NRXN1: variants seen among roughly 807,000 people sequenced by gnomAD.
The protein encoded by NRXN1 is neurexin-1.
Under a neutral mutation model 150.9 loss-of-function variants are expected in NRXN1, and 39 were observed. The ratio of observed to expected loss-of-function variants is 0.26; its 90% CI spans 0.20 to 0.34. NRXN1 has a LOEUF of 0.34. NRXN1 is among the 10% of genes least tolerant of loss of function. The pLI is 1.00. For synonymous variants in NRXN1, 924 were observed against 757.0 expected (o/e 1.22, Z -3.62); for missense variants, 1,815 against 1,949.9 (o/e 0.93, Z 1.30).
intron 8 of NRXN1, among the ~76,000 whole-genome samples, chr2:50,553,676 A>C (rs903434191): frequency 1.3e-5 from 2 of 152,248 alleles, no homozygotes; most frequent in Non-Finnish European, 2.9e-5. Context: ...CCACATGTAG[A>C]ATATGGTGCT....
intron 2 of NRXN1, among the ~76,000 whole-genome samples, chr2:51,021,309 A>G (rs1669571959): frequency 6.6e-6 from 1 of 151,980 alleles, no homozygotes; most frequent in African/African-American, 2.4e-5. Flanking sequence ...TTTTCAGTAC[A>G]TATTTATAGG....
intron 9 of NRXN1, among the ~76,000 whole-genome samples, chr2:50,551,567 A>T (rs1287971651): frequency 1.3e-5 from 2 of 152,086 alleles, no homozygotes; most frequent in African/African-American, 4.8e-5. Flanking sequence ...TAAAAGAAGC[A>T]CTCAGCTTAG....
At chr2:50,292,281 C>A (rs2073022708) in intron 17 of NRXN1, among the ~76,000 whole-genome samples, 1 of 152,130 alleles carries the variant, frequency 6.6e-6, no homozygotes. Context: ...AGCCACCACA[C>A]CCATTCATTT....
At chr2:50,006,774 C>T (rs1165885380) in intron 21 of NRXN1, among the ~76,000 whole-genome samples, 1 of 152,146 alleles carries the variant, frequency 6.6e-6, no homozygotes, top group Non-Finnish European at 1.5e-5. Context: ...GCATACAAAA[C>T]TGTGCTTGTG....
At chr2:50,796,777 A>T (rs1229649386) in intron 5 of NRXN1, among the ~76,000 whole-genome samples, 1 of 152,176 alleles carries the variant, frequency 6.6e-6, no homozygotes, top group Non-Finnish European at 1.5e-5. Flanking sequence ...TTATGTGTTT[A>T]TGAGTTTTTT....
intron 21 of NRXN1, among the ~76,000 whole-genome samples, chr2:49,964,587 C>G (rs1034674451): frequency 6.6e-6 from 1 of 151,666 alleles, no homozygotes; most frequent in Admixed American, 6.6e-5. Context: ...CATCTGTAAT[C>G]CCAGCACTTT....
intron 13 of NRXN1, among the ~76,000 whole-genome samples, chr2:50,500,502 T>C (rs2091889684): frequency 6.6e-6 from 1 of 152,202 alleles, no homozygotes; most frequent in Non-Finnish European, 1.5e-5. Flanking sequence ...CAATGTTTAA[T>C]CCTCATCAGT....
intron 8 of NRXN1, among the ~76,000 whole-genome samples, chr2:50,604,122 G>A (rs1676718310): frequency 6.6e-6 from 1 of 152,124 alleles, no homozygotes; most frequent in African/African-American, 2.4e-5. Flanking sequence ...ATATTTACAT[G>A]GAGGCTTAGG....
At chr2:50,689,871 TGTGTGTG>T (rs1285875248) in intron 5 of NRXN1, among the ~76,000 whole-genome samples, 7 of 147,728 alleles carry the variant, frequency 4.7e-5, no homozygotes, top group African/African-American at 1.8e-4. Flanking sequence ...TGTGTGTGTG[TGTGTGTG>T]TGTGTGTGTG....
chr2:50,599,245 G>C (rs989196511), intron 8 of NRXN1, among the ~76,000 whole-genome samples: 4 of 152,166 alleles, frequency 2.6e-5, no homozygotes, highest in Non-Finnish European at 5.9e-5. Flanking sequence ...TATTACTACA[G>C]AGTTCATGTA....
chr2:50,281,312 G>A (rs1056486515), intron 17 of NRXN1, among the ~76,000 whole-genome samples: 2 of 128,506 alleles, frequency 1.6e-5, no homozygotes, highest in East Asian at 2.8e-4. Flanking sequence ...GCAAGACTCC[G>A]TCTCAAAAAC....
intron 18 of NRXN1, among the ~76,000 whole-genome samples, chr2:50,177,435 T>G (rs979541644): frequency 1.3e-5 from 2 of 152,064 alleles, no homozygotes; most frequent in African/African-American, 4.8e-5. Flanking sequence ...TGCTGTCCCA[T>G]TTCTATAATA....
At chr2:50,577,081 G>A (rs909012523) in intron 8 of NRXN1, among the ~76,000 whole-genome samples, 2 of 151,996 alleles carry the variant, frequency 1.3e-5, no homozygotes, top group Non-Finnish European at 2.9e-5. Flanking sequence ...TGAATTTTCT[G>A]AACCATTATT....
intron 12 of NRXN1, among the ~76,000 whole-genome samples, chr2:50,510,372 G>A (rs1402746748): frequency 1.3e-5 from 2 of 150,568 alleles, no homozygotes; most frequent in Non-Finnish European, 3.0e-5. Context: ...CGTAATCCCA[G>A]CTACTCAGGA....
intron 17 of NRXN1, among the ~76,000 whole-genome samples, chr2:50,282,245 G>A (rs181888220): frequency 1.2e-4 from 19 of 152,272 alleles, no homozygotes; most frequent in African/African-American, 4.6e-4. Context: ...CTTAAGTGAT[G>A]AGGATCTACC....
intron 2 of NRXN1, among the ~76,000 whole-genome samples, chr2:50,944,711 C>T (rs1690049152): frequency 1.3e-5 from 2 of 152,096 alleles, no homozygotes; most frequent in African/African-American, 2.4e-5. Context: ...TTAGGAAATT[C>T]ATGAGTCAAA....
chr2:50,011,473 G>A (rs767191753), intron 21 of NRXN1, among the ~76,000 whole-genome samples: 6 of 152,060 alleles, frequency 3.9e-5, no homozygotes, highest in Non-Finnish European at 7.4e-5. Flanking sequence ...ATAAGCTGAG[G>A]ACAAACATTA....
intron 8 of NRXN1, among the ~76,000 whole-genome samples, chr2:50,562,699 T>G (rs902662994): frequency 6.6e-5 from 10 of 152,138 alleles, no homozygotes; most frequent in African/African-American, 9.7e-5. Flanking sequence ...TTGTCCTTCT[T>G]TTTCTTACTT....
chr2:50,982,075 T>C (rs1433773559), intron 2 of NRXN1, among the ~76,000 whole-genome samples: 1 of 152,102 alleles, frequency 6.6e-6, no homozygotes, highest in Non-Finnish European at 1.5e-5. Context: ...GAGTCAACTC[T>C]AATTTCACCA....
Sources: allele counts gnomAD v4.1 joint callset (sites outside exome capture counted in the v4.1 genomes callset), GRCh38; gene constraint gnomAD v4.1.1; transcripts MANE v1.5; gene names NCBI Gene and HGNC (gene_info 2026-07-23, HGNC 2026-07-21).